The following SMC2 variants were observed in gnomAD, a reference collection of about 807,000 sequenced individuals.
The protein encoded by SMC2 is structural maintenance of chromosomes 2.
Under a neutral mutation model 142.6 loss-of-function variants are expected in SMC2, and 41 were observed. The observed-to-expected ratio is 0.29, with a 90% CI of 0.22 to 0.37. The LOEUF is 0.37. SMC2 is among the 10% of genes least tolerant of loss of function. The pLI is 1.00. For synonymous variants in SMC2, 463 were observed against 457.5 expected (o/e 1.01, Z -0.15); for missense variants, 1,265 against 1,373.7 (o/e 0.92, Z 1.25).
At chr9:104,101,867 A>G (rs754423800) in intron 7 of SMC2, 93 bp from the exon 8 acceptor site, 4 of 738,722 alleles carry the variant, frequency 5.4e-6, no homozygotes, top group South Asian at 1.8e-5. Context: ...GACAAAATCT[A>G]TTATGTAATG....
intron 19 of SMC2, 100 bp downstream of exon 19, chr9:104,126,884 CG>C: frequency 8.5e-7 from 1 of 1,176,276 alleles, no homozygotes; most frequent in Non-Finnish European, 1.2e-6. Context: ...TCTTTTCACT[CG>C]TCATCATGAG....
upstream of SMC2, among the ~76,000 whole-genome samples, chr9:104,090,214 A>T (rs10991101): frequency 0.14 from 21,754 of 152,230 alleles, 1,707 homozygotes; most frequent in African/African-American, 0.15. Context: ...AACAAAAAAC[A>T]GCAAAAAGGA....
At chr9:104,109,023 T>A (rs1213995752) in intron 9 of SMC2, among the ~76,000 whole-genome samples, 1 of 152,170 alleles carries the variant, frequency 6.6e-6, no homozygotes, top group Non-Finnish European at 1.5e-5. Flanking sequence ...TCTATCAGAA[T>A]GTTGCATTTT....
intron 3 of SMC2, among the ~76,000 whole-genome samples, chr9:104,096,854 A>G (rs1830490521): frequency 6.6e-6 from 1 of 152,166 alleles, no homozygotes; most frequent in African/African-American, 2.4e-5. Context: ...CACTTGCCTG[A>G]TTATACCAAG....
Position 104,095,572 on chromosome 9 carries a change from A to C in SMC2, c.168+20A>C. 1 of 1,591,250 alleles carries C rather than the reference A, an allele frequency of 6.3e-7. No homozygotes were observed. Among genetic ancestry groups the C allele is most frequent in the Non-Finnish European group, 8.6e-7 (1 of 1,161,160 alleles). On this transcript the variant is annotated intron_variant, in intron 2 of 24. Transcript: ENST00000374793. ...TCTCAGGTAAAGTGTAAACTTTCTG[A>C]TTTATTTGAATTTAAGTTGGCAGGA...
chr9:104,117,199 G>A (rs1279319157), intron 14 of SMC2, among the ~76,000 whole-genome samples: 1 of 152,160 alleles, frequency 6.6e-6, no homozygotes, highest in Non-Finnish European at 1.5e-5. Flanking sequence ...ATTAAGTCAA[G>A]AAGGCTCAGG....
chr9:104,103,582 C>A (rs59125772), intron 9 of SMC2, among the ~76,000 whole-genome samples: 1 of 152,062 alleles, frequency 6.6e-6, no homozygotes, highest in African/African-American at 2.4e-5. Context: ...GTCGCCTTCG[C>A]GAGAACTAGG....
the SMC2 span, among the ~76,000 whole-genome samples, chr9:104,089,044 T>C: frequency 5.3e-5 from 8 of 151,692 alleles, no homozygotes; most frequent in Admixed American, 3.9e-4. Context: ...AGAAAGTAGG[T>C]TGGGAACAGA....
chr9:104,126,743 A>T lies in SMC2; in HGVS notation c.2554A>T (p.Ser852Cys), dbSNP rs768625468. The T allele has an allele frequency of 6.2e-7, 1 of 1,612,396 alleles. No homozygotes were observed. The highest frequency in any genetic ancestry group is 2.2e-5 in the East Asian group (1 of 44,842). The change falls in exon 19 of 25, where the codon AGT becomes TGT. Residue 852 changes from serine to cysteine, a missense_variant. Coordinates refer to ENST00000374793, the MANE Select transcript of SMC2 (RefSeq NM_006444.3). ...AAATGAAGCTATCAAATCCTATGAA[A>T]GTCAGATTGAAGTAATGGCAGCTGA... ...AVNEAIKSYE[S>C]QIEVMAAEVA...
chr9:104,121,495 CA>C (rs11286698), intron 16 of SMC2, among the ~76,000 whole-genome samples: 8,586 of 149,480 alleles, frequency 0.057, 658 homozygotes, highest in African/African-American at 0.18. Flanking sequence ...GACCCTTTCT[CA>C]AAAAAAAAGA....
upstream of SMC2, chr9:104,094,225 T>C (rs1185459622): frequency 2.5e-6 from 1 of 396,028 alleles, no homozygotes; most frequent in Non-Finnish European, 4.4e-6. Context: ...AGGGGAAAAA[T>C]TGAACCCTAA....
chr9:104,091,356 G>A (rs1019388416), upstream of SMC2, among the ~76,000 whole-genome samples: 1 of 152,094 alleles, frequency 6.6e-6, no homozygotes, highest in Non-Finnish European at 1.5e-5. Flanking sequence ...AACAGAAAGG[G>A]TAGTATGTTG....
intron 22 of SMC2, among the ~76,000 whole-genome samples, chr9:104,133,341 C>G (rs1285706091): frequency 6.6e-6 from 1 of 152,126 alleles, no homozygotes; most frequent in Non-Finnish European, 1.5e-5. Context: ...CTGTCCCACA[C>G]TTGGCCTAGA....
At chr9:104,089,211 TAGA>T in the SMC2 span, among the ~76,000 whole-genome samples, 1 of 152,148 alleles carries the variant, frequency 6.6e-6, no homozygotes, top group Non-Finnish European at 1.5e-5. Flanking sequence ...CTTGTTGAAG[TAGA>T]AGATTAAGTT....
intron 13 of SMC2, among the ~76,000 whole-genome samples, chr9:104,115,584 C>CA (rs112793649): frequency 0.018 from 2,485 of 136,814 alleles, 28 homozygotes; most frequent in Middle Eastern, 0.044. Context: ...GACTGTATCT[C>CA]AAAAAAAAAA....
intron 14 of SMC2, among the ~76,000 whole-genome samples, chr9:104,117,228 A>G (rs181671506): frequency 4.0e-4 from 61 of 152,338 alleles, no homozygotes; most frequent in African/African-American, 1.4e-3. Context: ...TCAGCCATAC[A>G]TCGAGTCCCA....
chr9:104,091,539 GA>G (rs570465230), upstream of SMC2, among the ~76,000 whole-genome samples: 84 of 152,212 alleles, frequency 5.5e-4, 1 homozygote, highest in African/African-American at 2.0e-3. Flanking sequence ...CTCCTTCTCT[GA>G]AAAAATAAAA....
At chr9:104,114,382 C>CATCTT (rs2131400170) in intron 12 of SMC2, among the ~76,000 whole-genome samples, 1 of 152,252 alleles carries the variant, frequency 6.6e-6, no homozygotes, top group East Asian at 1.9e-4. Context: ...TCCACATTTA[C>CATCTT]ATCTTATAAT....
At position 104,139,362 on chromosome 9, in the gene SMC2, C is replaced by T. The variant is rs1835875528; in HGVS notation, c.*47C>T. The T allele has an allele frequency of 6.9e-7, 1 of 1,446,322 alleles. No homozygotes were observed. The highest frequency in any genetic ancestry group is 1.5e-5 in the African/African-American group (1 of 67,612). The allele number at this position is 1,446,322 out of a possible 1,614,324, so 89.6% of individuals were successfully genotyped here. Reference sequence around the variant, plus strand: ...CTTGACCTGTTTTTTTAAATGTAAACTTTTAAGGACTTGAGATAACTAATT... The same window carrying T: ...CTTGACCTGTTTTTTTAAATGTAAATTTTTAAGGACTTGAGATAACTAATT... On this transcript the variant is annotated 3_prime_UTR_variant, in exon 25 of 25. Coordinates refer to ENST00000374793, the MANE Select transcript of SMC2 (RefSeq NM_006444.3).
Sources: allele counts gnomAD v4.1 joint callset (sites outside exome capture counted in the v4.1 genomes callset), GRCh38; gene constraint gnomAD v4.1.1; transcripts MANE v1.5; gene names NCBI Gene and HGNC (gene_info 2026-07-23, HGNC 2026-07-21).